The following P4HA2 variants were observed in gnomAD, a reference collection of about 807,000 sequenced individuals.
The protein encoded by P4HA2 is prolyl 4-hydroxylase subunit alpha-2.
In P4HA2, 46 loss-of-function variants were observed where a neutral mutation model predicts 76.9. The ratio of observed to expected loss-of-function variants is 0.60; its 90% CI spans 0.47 to 0.76. The LOEUF (loss-of-function observed/expected upper bound fraction) is 0.76. Among genes scored for constraint, P4HA2 ranks in the 30% least tolerant of loss-of-function variants. The probability of loss-of-function intolerance (pLI) is 0.00; values close to 1 mark genes in which losing one functional copy is unlikely to be tolerated. For missense variants in P4HA2, 583 were observed against 669.4 expected, an observed-to-expected ratio of 0.87 and a Z score of 1.42; for synonymous variants, 243 against 254.0, an observed-to-expected ratio of 0.96 and a Z score of 0.41.
At position 132,227,230 on chromosome 5, in the gene P4HA2, G is replaced by T. The variant is rs200235061; in HGVS notation, c.-19+560C>A. ...ATCACGGGTCTCCGCAGCTGCCAAG[G>T]AAAAACAACGCTGGTTCCACAAGGA... On this transcript the variant is annotated intron_variant, in intron 1 of 14. Coordinates refer to ENST00000360568, the MANE Select transcript of P4HA2 (RefSeq NM_001017974.2). The T allele has an allele frequency of 2.0e-5, 3 of 152,374 alleles. No homozygotes were observed. The East Asian group carries it at 5.8e-4, about 29-fold the overall frequency. 9.4% of individuals were successfully genotyped at this position (152,374 alleles called of 1,614,324 possible).
intron 1 of P4HA2, among the ~76,000 whole-genome samples, chr5:132,225,530 A>G (rs923275274): frequency 5.9e-5 from 9 of 152,288 alleles, no homozygotes; most frequent in Non-Finnish European, 1.2e-4. Context: ...TCCTTTGATG[A>G]GCACTCACAG....
intron 4 of P4HA2, among the ~76,000 whole-genome samples, chr5:132,216,948 T>G (rs1325317090): frequency 6.6e-6 from 1 of 151,752 alleles, no homozygotes; most frequent in Non-Finnish European, 1.5e-5. Flanking sequence ...TAGCAAAAAA[T>G]AAGAAAAGAC....
intron 6 of P4HA2, 134 bp from the exon 7 acceptor site, chr5:132,209,465 C>T (rs753319021): frequency 8.0e-6 from 6 of 751,994 alleles, no homozygotes; most frequent in Non-Finnish European, 1.3e-5. Context: ...CAGCATCTAA[C>T]CAGAGTACGC....
intron 1 of P4HA2, among the ~76,000 whole-genome samples, chr5:132,220,108 CA>C (rs1754465163): frequency 6.6e-6 from 1 of 152,218 alleles, no homozygotes; most frequent in Non-Finnish European, 1.5e-5. Context: ...GGAGTTAGAG[CA>C]GCAGAAGAGA....
At chr5:132,198,198 A>G (rs369715859) in intron 12 of P4HA2, 123 bp downstream of exon 12, 2 of 1,614,170 alleles carry the variant, frequency 1.2e-6, no homozygotes, top group Non-Finnish European at 1.7e-6. Context: ...AGCACACATC[A>G]TACTCACGTA....
In P4HA2 at chr5:132,191,744, T is replaced by C. The variant is rs1163765096; in HGVS notation, c.*1266A>G. Reference sequence around the variant, plus strand: ...CATTAAGACTCCACATTTCCACTCCTAGATATATATCCTACAGAAATATGT... The same window carrying C: ...CATTAAGACTCCACATTTCCACTCCCAGATATATATCCTACAGAAATATGT... On this transcript the variant is annotated 3_prime_UTR_variant, in exon 15 of 15. Coordinates refer to ENST00000360568, the MANE Select transcript of P4HA2 (RefSeq NM_001017974.2). 1 of 151,394 alleles carries C rather than the reference T, an allele frequency of 6.6e-6. No individual in the cohort carries two copies. The highest frequency in any genetic ancestry group is 2.5e-5 in the African/African-American group (1 of 40,682). The allele number at this position is 151,394 out of a possible 1,614,324, so 9.4% of individuals were successfully genotyped here. A position where few individuals can be genotyped will look rare whatever the true frequency, so the allele number is the denominator to read the frequency against.
At chr5:132,209,648 C>T (rs923833295) in intron 6 of P4HA2, among the ~76,000 whole-genome samples, 1 of 151,744 alleles carries the variant, frequency 6.6e-6, no homozygotes, top group Non-Finnish European at 1.5e-5. Context: ...GGGCATGTGC[C>T]TCTGTAATCC....
intron 2 of P4HA2, among the ~76,000 whole-genome samples, chr5:132,218,204 T>C (rs1165490057): frequency 6.6e-6 from 1 of 152,094 alleles, no homozygotes; most frequent in Non-Finnish European, 1.5e-5. Context: ...GAACTTTAGG[T>C]CGGAAGGATA....
intron 1 of P4HA2, among the ~76,000 whole-genome samples, chr5:132,218,918 A>C (rs1455552899): frequency 6.6e-6 from 1 of 152,216 alleles, no homozygotes; most frequent in Non-Finnish European, 1.5e-5. Context: ...TACCATGAGA[A>C]GGCGGAATCG....
At position 132,218,640 on chromosome 5, in the gene P4HA2, AGT is replaced by A; in HGVS notation, c.-16_-15del. On this transcript the variant is annotated splice_region_variant and 5_prime_UTR_variant, in exon 2 of 15. Transcript: ENST00000360568. ...CCAGAGTTTCATGGTCACAGAGGGA[AGT>A]GTCTGAAAGGCATTCAATGACAATC... 6.3e-7 allele frequency: 1 copy of A among 1,594,526 alleles called. No homozygotes were observed. The highest frequency in any genetic ancestry group is 8.6e-7 in the Non-Finnish European group (1 of 1,162,214).
At chr5:132,193,214 T>C (rs142257120) in intron 14 of P4HA2, 134 bp from the exon 15 acceptor site, 59 of 649,348 alleles carry the variant, frequency 9.1e-5, no homozygotes, top group African/African-American at 8.2e-4. Flanking sequence ...ATCTCAGGCC[T>C]CAATTTGCTG....
chr5:132,196,205 C>G (rs1580644033), intron 12 of P4HA2, among the ~76,000 whole-genome samples: 1 of 152,280 alleles, frequency 6.6e-6, no homozygotes, highest in East Asian at 1.9e-4. Flanking sequence ...TTCCACAGGA[C>G]ACATACCAGA....
Position 132,218,594 on chromosome 5 carries a change from G to T in P4HA2, c.33C>A (p.Ala11=). MKLWVSALLM[A]WFGVLSCVQA... is the part of the protein sequence containing the mutation. ...GCACACAGCTCAGGACACCAAACCA[G>T]GCCATCAGCAATGCAGACACCCAGA... The change falls in exon 2 of 15, where the codon GCC becomes GCA. Residue 11 remains alanine (A), a synonymous_variant. Coordinates refer to ENST00000360568, the MANE Select transcript of P4HA2 (RefSeq NM_001017974.2). 1.2e-6 allele frequency: 2 copies of T among 1,613,954 alleles called. No individual in the cohort carries two copies. The highest frequency in any genetic ancestry group is 1.1e-5 in the South Asian group (1 of 91,064).
chr5:132,202,575 T>C (rs1461392831), intron 10 of P4HA2: 1 of 152,124 alleles, frequency 6.6e-6, no homozygotes, highest in African/African-American at 2.4e-5. Flanking sequence ...TCTGATGGTG[T>C]CTCAGGTCAT....
chr5:132,223,254 T>C (rs1471326153), intron 1 of P4HA2, among the ~76,000 whole-genome samples: 2 of 152,194 alleles, frequency 1.3e-5, no homozygotes, highest in African/African-American at 2.4e-5. Flanking sequence ...CATCCTCCTT[T>C]ATACCTCACT....
chr5:132,198,351 C>A lies in P4HA2; in HGVS notation c.1335G>T (p.Glu445Asp), dbSNP rs571832423. The change falls in exon 12 of 15, where the codon GAG becomes GAT. Residue 445 changes from glutamate to aspartate, a missense_variant. By Grantham distance (45) the Glu-to-Asp change is conservative. Coordinates refer to ENST00000360568, the MANE Select transcript of P4HA2 (RefSeq NM_001017974.2). ...RRPFDSGLKT[E>D]GNRLATFLNY... The stretch of plus-strand genomic sequence containing the variant: ...TAAGAAACGTCGCTAACCTATTCCC[C>A]TCTGTTTTGAGGCCGCTGTCAAAAG... 6.2e-7 allele frequency: 1 copy of A among 1,613,854 alleles called. No homozygotes were observed. Among genetic ancestry groups the A allele is most frequent in the African/African-American group, 1.3e-5 (1 of 75,000 alleles).
At chr5:132,207,600 A>C in intron 8 of P4HA2, 108 bp downstream of exon 8, 1 of 847,362 alleles carries the variant, frequency 1.2e-6, no homozygotes, top group Non-Finnish European at 1.9e-6. Flanking sequence ...CATGCTAGAT[A>C]TGGATAAAGG....
At chr5:132,227,546 C>T (rs1040007647) in intron 1 of P4HA2, 3 of 152,468 alleles carry the variant, frequency 2.0e-5, no homozygotes, top group East Asian at 3.8e-4. Context: ...GACCTCACCA[C>T]CCTGAGCTCG....
In P4HA2 at chr5:132,207,849, G is replaced by A. The variant is rs1220902579; in HGVS notation, c.939C>T (p.Tyr313=). 1 of 1,599,966 alleles carries A rather than the reference G, an allele frequency of 6.3e-7. No homozygotes were observed. Residue 313 remains tyrosine, a synonymous_variant, in exon 8 of 15, where the codon TAC becomes TAT. Transcript: ENST00000360568. ...PRRQKRLFCR[Y]HHGNRAPQLL... Reference sequence around the variant, plus strand: ...GCTGTGGGGCCCTGTTGCCATGGTGGTACCTACAGAAAAGCCTCTTCTGTC... The same window carrying A: ...GCTGTGGGGCCCTGTTGCCATGGTGATACCTACAGAAAAGCCTCTTCTGTC...
Sources: allele counts gnomAD v4.1 joint callset (sites outside exome capture counted in the v4.1 genomes callset), GRCh38; gene constraint gnomAD v4.1.1; transcripts MANE v1.5; gene names NCBI Gene and HGNC (gene_info 2026-07-23, HGNC 2026-07-21).